Variants in CDH18 observed in about 807,000 individuals in gnomAD.
CDH18 encodes cadherin-18.
A neutral mutation model predicts 67.9 loss-of-function variants in CDH18; 31 were observed. The ratio of observed to expected loss-of-function variants is 0.46; its 90% CI spans 0.34 to 0.62. The LOEUF is 0.62. Among genes scored for constraint, CDH18 ranks in the 20% least tolerant of loss-of-function variants. The pLI, the probability that CDH18 is intolerant of heterozygous loss-of-function variation, is 0.01. For synonymous variants in CDH18, 362 were observed against 347.2 expected, an observed-to-expected ratio of 1.04 and a Z score of -0.48; for missense variants, 890 against 975.5, an observed-to-expected ratio of 0.91 and a Z score of 1.17.
intron 2 of CDH18, among the ~76,000 whole-genome samples, chr5:19,897,306 T>C (rs944680650): frequency 1.3e-5 from 2 of 152,136 alleles, no homozygotes; most frequent in Non-Finnish European, 2.9e-5. Flanking sequence ...CCCATATTGT[T>C]GCTAAACATA....
chr5:20,249,550 T>C (rs1363137249), intron 2 of CDH18, among the ~76,000 whole-genome samples: 1 of 151,976 alleles, frequency 6.6e-6, no homozygotes, highest in Admixed American at 6.6e-5. Context: ...GCCCACCTAA[T>C]TTTTTGTATT....
chr5:19,835,932 A>G (rs1224731631), intron 3 of CDH18, among the ~76,000 whole-genome samples: 2 of 152,278 alleles, frequency 1.3e-5, no homozygotes, highest in South Asian at 2.1e-4. Flanking sequence ...GCCTCCTGAT[A>G]TGTGAGGAGC....
intron 2 of CDH18, among the ~76,000 whole-genome samples, chr5:20,022,963 A>G (rs1313129847): frequency 6.6e-6 from 1 of 152,186 alleles, no homozygotes; most frequent in African/African-American, 2.4e-5. Context: ...GGTGACTTTC[A>G]ACTCTCAGAG....
At chr5:19,739,591 GTACAAAACACAAGCTAACT>G (rs1768836291) in intron 4 of CDH18, among the ~76,000 whole-genome samples, 1 of 152,170 alleles carries the variant, frequency 6.6e-6, no homozygotes, top group Non-Finnish European at 1.5e-5. Context: ...GGGTTGGTTT[GTACAAAACACAAGCTAACT>G]TACACAGAAG....
intron 2 of CDH18, among the ~76,000 whole-genome samples, chr5:19,973,960 A>C (rs1456547843): frequency 6.6e-6 from 1 of 152,148 alleles, no homozygotes; most frequent in East Asian, 1.9e-4. Context: ...TGTCATATGA[A>C]TATATCAATG....
rs140341059 is a variant in CDH18 at position 20,559,638 on chromosome 5, A to G, written c.-580+15824T>C. Among the ~76,000 whole-genome samples, 344 of 152,234 alleles carry G rather than the reference A, an allele frequency of 2.3e-3. 3 individuals are homozygous for G. The highest frequency in any genetic ancestry group is 7.6e-3 in the African/African-American group (317 of 41,562). On this transcript the variant is annotated intron_variant, in intron 1 of 14. Coordinates refer to the CDH18 transcript ENST00000507958. ...TAATGTCATTTTTATAATAATTACA[A>G]TAATTGAGTTTACATTTTAAACTAA...
intron 1 of CDH18, among the ~76,000 whole-genome samples, chr5:20,512,230 T>G (rs912883937): frequency 6.6e-6 from 1 of 151,908 alleles, no homozygotes; most frequent in Non-Finnish European, 1.5e-5. Context: ...CTCAAAAAAA[T>G]AAAAAAATAA....
At chr5:20,445,205 A>G (rs1202211421) in intron 1 of CDH18, among the ~76,000 whole-genome samples, 1 of 152,216 alleles carries the variant, frequency 6.6e-6, no homozygotes, top group Non-Finnish European at 1.5e-5. Flanking sequence ...TGTTACGAAG[A>G]CTAAGCATTA....
At chr5:19,654,911 C>T (rs566994248) in intron 5 of CDH18, among the ~76,000 whole-genome samples, 104 of 152,282 alleles carry the variant, frequency 6.8e-4, no homozygotes, top group African/African-American at 2.4e-3. Flanking sequence ...GACATTCAGA[C>T]ACTCCTCTGC....
At chr5:19,545,372 T>C (rs1190063769) in intron 8 of CDH18, among the ~76,000 whole-genome samples, 1 of 152,140 alleles carries the variant, frequency 6.6e-6, no homozygotes, top group African/African-American at 2.4e-5. Context: ...TAGGACAAGG[T>C]AGGACAAGGT....
chr5:20,058,187 G>A (rs915691769), intron 2 of CDH18, among the ~76,000 whole-genome samples: 2 of 152,068 alleles, frequency 1.3e-5, no homozygotes, highest in Non-Finnish European at 2.9e-5. Flanking sequence ...TACACATCGA[G>A]TAGTACTCTA....
intron 2 of CDH18, among the ~76,000 whole-genome samples, chr5:20,186,854 G>A (rs1378005470): frequency 4.0e-5 from 6 of 151,848 alleles, no homozygotes; most frequent in African/African-American, 7.2e-5. Flanking sequence ...CATGGTTATA[G>A]CAGCATTATT....
intron 2 of CDH18, among the ~76,000 whole-genome samples, chr5:20,046,576 C>G (rs1740910515): frequency 6.7e-6 from 1 of 149,742 alleles, no homozygotes; most frequent in African/African-American, 2.4e-5. Context: ...AAGAAAAAAG[C>G]AGAAATGTAT....
intron 1 of CDH18, among the ~76,000 whole-genome samples, chr5:20,311,355 A>G (rs191478393): frequency 3.0e-4 from 45 of 152,324 alleles, no homozygotes; most frequent in Non-Finnish European, 5.6e-4. Context: ...ATGTATGTTT[A>G]TTGTGGCACT....
intron 3 of CDH18, among the ~76,000 whole-genome samples, chr5:19,825,513 G>A (rs183513380): frequency 4.1e-4 from 63 of 152,140 alleles, no homozygotes; most frequent in African/African-American, 1.3e-3. Context: ...GGCTGACACC[G>A]CAAGGATACA....
chr5:20,419,341 CT>C (rs1458823385), intron 1 of CDH18, among the ~76,000 whole-genome samples: 1 of 152,010 alleles, frequency 6.6e-6, no homozygotes, highest in Non-Finnish European at 1.5e-5. Flanking sequence ...AATACACACC[CT>C]TCACCAGAAC....
rs75682884 is a variant in CDH18, at chr5:19,597,644, G to A, written c.812-6400C>T. ...ATAAAAAATGTCATGAAACACACAC[G>A]TATGCTGTCAAATCTTAATGTTTTG... On this transcript the variant is annotated intron_variant, in intron 6 of 12. Coordinates refer to ENST00000382275, the MANE Select transcript of CDH18 (RefSeq NM_004934.5). Among the ~76,000 whole-genome samples, 355 of 152,036 alleles carry A rather than the reference G, an allele frequency of 2.3e-3. 1 individual carries two copies. The highest frequency in any genetic ancestry group is 5.2e-3 in the African/African-American group (216 of 41,494).
chr5:19,932,952 T>C (rs942615299), intron 2 of CDH18, among the ~76,000 whole-genome samples: 2 of 151,612 alleles, frequency 1.3e-5, no homozygotes, highest in African/African-American at 4.8e-5. Context: ...TCTTATTAAA[T>C]ATATGGCCCT....
chr5:20,198,890 C>A (rs879612614), intron 2 of CDH18, among the ~76,000 whole-genome samples: 42 of 152,200 alleles, frequency 2.8e-4, no homozygotes, highest in Admixed American at 1.4e-3. Flanking sequence ...TCAGAGGGTA[C>A]AAGCCTCAAG....
Sources: allele counts gnomAD v4.1 joint callset (sites outside exome capture counted in the v4.1 genomes callset), GRCh38; gene constraint gnomAD v4.1.1; transcripts MANE v1.5; gene names NCBI Gene and HGNC (gene_info 2026-07-23, HGNC 2026-07-21).